The following ARHGAP35 variants were observed in gnomAD, a reference collection of about 807,000 sequenced individuals.
ARHGAP35 encodes rho GTPase-activating protein 35.
A neutral mutation model predicts 111.1 loss-of-function variants in ARHGAP35; 15 were observed. That is an observed-to-expected ratio of 0.13 (90% confidence interval 0.09 to 0.21). The LOEUF (loss-of-function observed/expected upper bound fraction) is 0.21, where lower values mean the gene tolerates loss of function less well. Among genes scored for constraint, ARHGAP35 ranks in the 10% least tolerant of loss-of-function variants. The probability of loss-of-function intolerance (pLI) is 1.00; values close to 1 mark genes in which losing one functional copy is unlikely to be tolerated. For synonymous variants in ARHGAP35, 643 were observed against 710.3 expected, an observed-to-expected ratio of 0.91 and a Z score of 1.51; for missense variants, 1,262 against 1,873.0, an observed-to-expected ratio of 0.67 and a Z score of 6.02.
intron 1 of ARHGAP35, among the ~76,000 whole-genome samples, chr19:46,888,352 A>C (rs1392850014): frequency 4.4e-5 from 6 of 135,912 alleles, no homozygotes; most frequent in African/African-American, 1.7e-4. Flanking sequence ...ACACACACAC[A>C]CACACACACA....
chr19:46,932,529 G>A (rs192443602), intron 2 of ARHGAP35, among the ~76,000 whole-genome samples: 10 of 152,320 alleles, frequency 6.6e-5, no homozygotes, highest in Non-Finnish European at 1.0e-4. Flanking sequence ...CCACTCAGGA[G>A]AATGGCATTT....
At chr19:46,903,727 TGA>T (rs2056092203) in intron 1 of ARHGAP35, among the ~76,000 whole-genome samples, 1 of 152,210 alleles carries the variant, frequency 6.6e-6, no homozygotes, top group Non-Finnish European at 1.5e-5. Context: ...TTCTAAGGAA[TGA>T]CGATTGATAA....
chr19:46,930,545 T>C (rs1195314050), intron 2 of ARHGAP35, among the ~76,000 whole-genome samples: 1 of 145,920 alleles, frequency 6.9e-6, no homozygotes, highest in Non-Finnish European at 1.5e-5. Flanking sequence ...TTAGATGTGT[T>C]ACCAAGCATT....
At chr19:46,969,956 T>A (rs1156665109) in intron 3 of ARHGAP35, among the ~76,000 whole-genome samples, 2 of 152,226 alleles carry the variant, frequency 1.3e-5, no homozygotes, top group Non-Finnish European at 2.9e-5. Flanking sequence ...CTGCCTTTGC[T>A]CCGCTGCCTG....
intron 3 of ARHGAP35, among the ~76,000 whole-genome samples, chr19:46,973,485 C>G (rs142556143): frequency 6.6e-4 from 100 of 151,698 alleles, no homozygotes; most frequent in African/African-American, 2.3e-3. Flanking sequence ...ATCAGGAGAT[C>G]GAGACTATCC....
chr19:46,979,764 C>A (rs1222384540), intron 3 of ARHGAP35, among the ~76,000 whole-genome samples: 1 of 152,176 alleles, frequency 6.6e-6, no homozygotes, highest in Non-Finnish European at 1.5e-5. Flanking sequence ...CCAGTCAAGT[C>A]ATCGTAATAG....
At chr19:46,939,389 A>G (rs2056331297) in intron 3 of ARHGAP35, among the ~76,000 whole-genome samples, 1 of 145,954 alleles carries the variant, frequency 6.9e-6, no homozygotes, top group African/African-American at 2.7e-5. Context: ...TTATTTATTT[A>G]TTTATTTATT....
Position 46,922,439 on chromosome 19 carries a change from A to G in ARHGAP35, c.3681+83A>G, listed in dbSNP as rs373396486. 2 of 1,333,262 alleles carry G rather than the reference A, an allele frequency of 1.5e-6. No individual in the cohort carries two copies. Among genetic ancestry groups the G allele is most frequent in the Non-Finnish European group, 9.9e-7 (1 of 1,009,740 alleles). 82.6% of individuals were successfully genotyped at this position (1,333,262 alleles called of 1,614,324 possible). On this transcript the variant is annotated intron_variant, in intron 2 of 6. Transcript: ENST00000672722. This position sits in a 1 kb window ranked among gnomAD's most constrained non-coding sequence, Gnocchi z 4.0. ...GATTGATGATGATTTTTCAAGGACA[A>G]CCTATTCTGGTAAAAAAAAAACTGC...
chr19:46,923,588 C>T (rs185782784), intron 2 of ARHGAP35, among the ~76,000 whole-genome samples: 2 of 151,548 alleles, frequency 1.3e-5, no homozygotes, highest in Non-Finnish European at 2.9e-5. Context: ...TCTTCCCCCC[C>T]ACCCCCAATT....
At chr19:46,889,060 T>C (rs1427133800) in intron 1 of ARHGAP35, among the ~76,000 whole-genome samples, 1 of 152,078 alleles carries the variant, frequency 6.6e-6, no homozygotes, top group African/African-American at 2.4e-5. Context: ...GGCTCACACC[T>C]GTAACCCCTG....
At chr19:46,976,859 C>CT in intron 3 of ARHGAP35, among the ~76,000 whole-genome samples, 1 of 152,344 alleles carries the variant, frequency 6.6e-6, no homozygotes, top group African/African-American at 2.4e-5. Flanking sequence ...TGCTCTGTGT[C>CT]TGTCTGTTCA....
At chr19:46,939,185 G>A (rs1253445672) in intron 3 of ARHGAP35, among the ~76,000 whole-genome samples, 1 of 151,428 alleles carries the variant, frequency 6.6e-6, no homozygotes, top group Non-Finnish European at 1.5e-5. Context: ...TTATTGCCCA[G>A]GCTAGTCTCA....
At chr19:46,867,851 C>T (rs2055867025) in intron 1 of ARHGAP35, among the ~76,000 whole-genome samples, 1 of 151,964 alleles carries the variant, frequency 6.6e-6, no homozygotes. Flanking sequence ...GCATGCTCTC[C>T]TGGTCAGCCT....
chr19:46,944,298 C>CAAA (rs1198310783), intron 3 of ARHGAP35, among the ~76,000 whole-genome samples: 3 of 64,784 alleles, frequency 4.6e-5, no homozygotes, highest in Non-Finnish European at 6.3e-5. Flanking sequence ...GACCCTGTCT[C>CAAA]AAAAAAAAAA....
Position 46,922,159 on chromosome 19 carries a change from T to A in ARHGAP35, c.3484T>A (p.Cys1162Ser). ...VSKPVLYRTR[C>S]TRLGRFASYR... ...CAAGCCAGTGCTGTACAGGACGAGATGCACCCGGCTGGGGCGGTTTGCTAG... is the reference window on the plus strand; with the variant it reads ...CAAGCCAGTGCTGTACAGGACGAGAAGCACCCGGCTGGGGCGGTTTGCTAG... Residue 1162 changes from cysteine to serine, a missense_variant, in exon 2 of 7, where the codon TGC becomes AGC. This residue lies in a region of ARHGAP35 where 579 missense variants were observed against 716.9 expected (regional missense o/e 0.81). Transcript: ENST00000672722. The surrounding 1 kb of genome is among the most constrained non-coding windows in gnomAD (Gnocchi z 4.0). 1 of 1,613,868 alleles carries A rather than the reference T, an allele frequency of 6.2e-7. No individual in the cohort carries two copies. Among genetic ancestry groups the A allele is most frequent in the East Asian group, 2.2e-5 (1 of 44,894 alleles).
At chr19:46,888,837 CAAAAAA>C (rs769595005) in intron 1 of ARHGAP35, among the ~76,000 whole-genome samples, 11 of 57,398 alleles carry the variant, frequency 1.9e-4, no homozygotes, top group Admixed American at 9.3e-4. Flanking sequence ...ACTAAAAATA[CAAAAAA>C]AAAAAAAAAA....
chr19:46,864,677 A>C (rs2055846076), intron 1 of ARHGAP35, among the ~76,000 whole-genome samples: 1 of 152,196 alleles, frequency 6.6e-6, no homozygotes, highest in Non-Finnish European at 1.5e-5. Flanking sequence ...ACTTTTTAAA[A>C]TTTTCTGACA....
At position 46,994,692 on chromosome 19, in the gene ARHGAP35, T is replaced by C. The variant is rs1212020061; in HGVS notation, c.4037-4612T>C. Among the ~76,000 whole-genome samples the C allele has an allele frequency of 1.3e-5, 2 of 152,096 alleles. No homozygotes were observed. The highest frequency in any genetic ancestry group is 2.9e-5 in the Non-Finnish European group (2 of 68,002). ...CTAGAGAGGCACCCACTGGGTCCTT[T>C]CCCCTCTTTCCACTAGACCGTAAGC... On this transcript the variant is annotated intron_variant, in intron 5 of 6. Coordinates refer to ENST00000672722, the MANE Select transcript of ARHGAP35 (RefSeq NM_004491.5). The surrounding 1 kb of genome is among the most constrained non-coding windows in gnomAD (Gnocchi z 5.4).
chr19:46,901,331 G>A lies in ARHGAP35; in HGVS notation c.-188-17157G>A, dbSNP rs553575662. 4.6e-5 allele frequency among the ~76,000 whole-genome samples: 7 copies of A among 152,338 alleles called. No homozygotes were observed. The highest frequency in any genetic ancestry group is 2.1e-4 in the South Asian group (1 of 4,832). ...CCAGCACTTCGGGAGGCCGAGGCAG[G>A]TGGATCACTTGAGGTCAGGAGTTCG... On this transcript the variant is annotated intron_variant, in intron 1 of 6. Transcript: ENST00000672722. The surrounding 1 kb of genome is among the most constrained non-coding windows in gnomAD (Gnocchi z 4.5).
Sources: allele counts gnomAD v4.1 joint callset (sites outside exome capture counted in the v4.1 genomes callset), GRCh38; gene constraint gnomAD v4.1.1; regional missense constraint gnomAD v4.1.1; non-coding constraint Gnocchi (gnomAD v3.1); transcripts MANE v1.5; gene names NCBI Gene and HGNC (gene_info 2026-07-23, HGNC 2026-07-21).